The following CRB1 variants were observed in gnomAD, a reference collection of about 807,000 sequenced individuals.
CRB1 encodes the protein crumbs cell polarity complex component 1, also known as protein crumbs homolog 1.
In CRB1, 83 loss-of-function variants were observed where a neutral mutation model predicts 120.0. The observed-to-expected ratio is 0.69, with a 90% CI of 0.58 to 0.83. The LOEUF (loss-of-function observed/expected upper bound fraction) is 0.83, where lower values mean the gene tolerates loss of function less well. Ranked by LOEUF, CRB1 falls within the 40% of genes least tolerant of loss-of-function variation. The pLI is 0.00. For synonymous variants in CRB1, 625 were observed against 612.5 expected (o/e 1.02, Z -0.30); for missense variants, 1,699 against 1,687.6 (o/e 1.01, Z -0.12).
At chr1:197,438,237 A>G (rs1053272336) in intron 9 of CRB1, 25 of 338,212 alleles carry the variant, frequency 7.4e-5, no homozygotes, top group Non-Finnish European at 5.2e-5. Context: ...GCAGCAGCAA[A>G]TCTAGTTATA....
chr1:197,324,224 T>C (rs537543102), intron 1 of CRB1, among the ~76,000 whole-genome samples: 1 of 152,304 alleles, frequency 6.6e-6, no homozygotes, highest in South Asian at 2.1e-4. Context: ...TCTCAGAGAA[T>C]GTGTGCTGGT....
chr1:197,402,792 A>C (rs1487346023), intron 5 of CRB1, among the ~76,000 whole-genome samples: 2 of 152,224 alleles, frequency 1.3e-5, no homozygotes, highest in Non-Finnish European at 2.9e-5. Flanking sequence ...TCATCAACTA[A>C]ACATATCTGT....
At chr1:197,387,333 C>G (rs1662268166) in intron 5 of CRB1, among the ~76,000 whole-genome samples, 1 of 152,066 alleles carries the variant, frequency 6.6e-6, no homozygotes, top group Non-Finnish European at 1.5e-5. Context: ...GCTAATGTAG[C>G]TACATTCAGC....
intron 5 of CRB1, among the ~76,000 whole-genome samples, chr1:197,409,436 G>A (rs1042922229): frequency 2.0e-5 from 3 of 151,822 alleles, no homozygotes; most frequent in Non-Finnish European, 4.4e-5. Context: ...TAAAAATGTT[G>A]CATACAATTT....
chr1:197,251,543 G>C, the CRB1 span, among the ~76,000 whole-genome samples: 2 of 152,032 alleles, frequency 1.3e-5, no homozygotes, highest in African/African-American at 2.4e-5. Context: ...ATCAAAGCTT[G>C]AGCTTTTAAT....
intron 1 of CRB1, among the ~76,000 whole-genome samples, chr1:197,302,870 C>T (rs1656949071): frequency 6.6e-6 from 1 of 152,138 alleles, no homozygotes; most frequent in Admixed American, 6.5e-5. Flanking sequence ...AAACTAAATA[C>T]TCCTGTATGC....
Position 197,418,612 on chromosome 1 carries a change from G to A in CRB1, c.1172-2388G>A, listed in dbSNP as rs148660584. ...TGTAGATCATAAATGGCAGTACATC[G>A]TCAGATTAACATTTCATACGTTTGT... On this transcript the variant is annotated intron_variant, in intron 5 of 11. Transcript: ENST00000367400. Among the ~76,000 whole-genome samples, 129 of 138,170 alleles carry A rather than the reference G, an allele frequency of 9.3e-4. No homozygotes were observed. In the East Asian group the frequency reaches 0.022, roughly 24 times the overall value. The allele number at this position is 138,170 out of a possible 152,430, so 90.6% of individuals were successfully genotyped here.
At chr1:197,235,012 A>G in the CRB1 span, among the ~76,000 whole-genome samples, 1,214 of 152,330 alleles carry the variant, frequency 8.0e-3, 6 homozygotes, top group Non-Finnish European at 0.013. Context: ...TACAACTAAG[A>G]TAGCAGCTCA....
intron 1 of CRB1, among the ~76,000 whole-genome samples, chr1:197,299,999 T>C (rs950118363): frequency 3.3e-5 from 5 of 151,944 alleles, no homozygotes; most frequent in African/African-American, 1.2e-4. Flanking sequence ...GATGTTCCTA[T>C]TGTAATTGTT....
At chr1:197,393,484 A>G (rs1276413617) in intron 5 of CRB1, among the ~76,000 whole-genome samples, 2 of 151,960 alleles carry the variant, frequency 1.3e-5, no homozygotes, top group Non-Finnish European at 2.9e-5. Context: ...CTAGATGAAT[A>G]TGCCAGGCAC....
chr1:197,219,416 T>A, the CRB1 span, among the ~76,000 whole-genome samples: 1 of 152,218 alleles, frequency 6.6e-6, no homozygotes, highest in South Asian at 2.1e-4. Context: ...ATAGGGCTGA[T>A]AGTAATAGTA....
the CRB1 span, among the ~76,000 whole-genome samples, chr1:197,238,798 C>T: frequency 2.0e-5 from 3 of 151,838 alleles, no homozygotes; most frequent in African/African-American, 7.3e-5. Flanking sequence ...GAGCTGAGAT[C>T]ATACCACTGC....
At chr1:197,406,040 C>G (rs1663372434) in intron 5 of CRB1, among the ~76,000 whole-genome samples, 1 of 151,870 alleles carries the variant, frequency 6.6e-6, no homozygotes. Context: ...AAGTGAGGAG[C>G]CCCTCTGCCC....
At chr1:197,296,084 C>G (rs1380958135) in intron 1 of CRB1, among the ~76,000 whole-genome samples, 1 of 152,006 alleles carries the variant, frequency 6.6e-6, no homozygotes, top group Non-Finnish European at 1.5e-5. Context: ...CTAGAACTGT[C>G]TAAACTACAA....
intron 11 of CRB1, among the ~76,000 whole-genome samples, chr1:197,451,851 T>C (rs889334993): frequency 5.3e-5 from 8 of 152,240 alleles, no homozygotes; most frequent in African/African-American, 1.9e-4. Flanking sequence ...ATGTCCCTTA[T>C]AGGAAGATTA....
Position 197,328,900 on chromosome 1 carries a change from C to A in CRB1, c.549C>A (p.Cys183Ter). 1 of 1,614,142 alleles carries A rather than the reference C, an allele frequency of 6.2e-7. No individual in the cohort carries two copies. The highest frequency in any genetic ancestry group is 8.5e-7 in the Non-Finnish European group (1 of 1,180,014). Residue 183 changes from cysteine (C) to a stop codon, truncating the protein, a stop_gained, in exon 2 of 12, where the codon TGC (cysteine) becomes TGA (stop). Transcript: ENST00000367400. LOFTEE classifies it high-confidence loss of function. ...FCVPGYQGRH[C>*]DLEVDECASD... ...TCCCAGGATATCAAGGCAGACACTG[C>A]GACTTGGAAGTGGATGAATGTGCTT... is the stretch of plus-strand genomic sequence containing the variant.
intron 5 of CRB1, among the ~76,000 whole-genome samples, chr1:197,406,225 G>A (rs1663385531): frequency 6.6e-6 from 1 of 152,220 alleles, no homozygotes; most frequent in Admixed American, 6.5e-5. Context: ...ATTTTGTTCT[G>A]TACTAAGAAA....
At chr1:197,473,725 GGGCTGGCC>G (rs1667081117) in intron 11 of CRB1, among the ~76,000 whole-genome samples, 3 of 151,930 alleles carry the variant, frequency 2.0e-5, no homozygotes, top group Admixed American at 2.0e-4. Flanking sequence ...AATCCAAATA[GGGCTGGCC>G]TTAAATCTCG....
At chr1:197,355,391 G>A (rs1036500719) in intron 4 of CRB1, among the ~76,000 whole-genome samples, 7 of 152,232 alleles carry the variant, frequency 4.6e-5, no homozygotes, top group South Asian at 2.1e-4. Context: ...CGCGCAGTGC[G>A]CTGGCACTCC....
Sources: allele counts gnomAD v4.1 joint callset (sites outside exome capture counted in the v4.1 genomes callset), GRCh38; gene constraint gnomAD v4.1.1; transcripts MANE v1.5; gene names NCBI Gene and HGNC (gene_info 2026-07-23, HGNC 2026-07-21).